TRPM2: variants seen among roughly 807,000 people sequenced by gnomAD.
TRPM2 encodes the protein transient receptor potential cation channel subfamily M member 2, also known as estrogen-responsive element-associated gene 1 protein.
In TRPM2, 161 loss-of-function variants were observed where a neutral mutation model predicts 174.0. The ratio of observed to expected loss-of-function variants is 0.93; its 90% CI spans 0.81 to 1.05. The LOEUF (loss-of-function observed/expected upper bound fraction) is 1.05, where lower values mean the gene tolerates loss of function less well. Ranked by LOEUF, TRPM2 falls within the 50% of genes least tolerant of loss-of-function variation. The pLI is 0.00. For missense variants in TRPM2, 2,057 were observed against 2,038.0 expected (o/e 1.01, Z -0.18); for synonymous variants, 954 against 861.3 (o/e 1.11, Z -1.88).
chr21:44,383,098 G>A (rs1300915205), intron 9 of TRPM2, among the ~76,000 whole-genome samples: 1 of 152,180 alleles, frequency 6.6e-6, no homozygotes, highest in Non-Finnish European at 1.5e-5. Flanking sequence ...ACTTCAGGGT[G>A]GAAAGAAAGA....
chr21:44,426,734 AGAGT>A lies in TRPM2; in HGVS notation c.3872+3_3872+6del. ...ACGCGGCCGCCATGGACCCCATGGG[AGAGT>A]GAGTATGAGCCGCTGTCCGTGCTCC... On this transcript the variant is annotated splice_donor_variant and coding_sequence_variant, in exon 26 of 32. Transcript: ENST00000397928. LOFTEE classifies it high-confidence loss of function. 1 of 1,613,936 alleles carries A rather than the reference AGAGT, an allele frequency of 6.2e-7. No homozygotes were observed. Among genetic ancestry groups the A allele is most frequent in the Non-Finnish European group, 8.5e-7 (1 of 1,179,960 alleles).
intron 9 of TRPM2, among the ~76,000 whole-genome samples, chr21:44,383,576 C>T (rs956717072): frequency 1.1e-4 from 17 of 152,192 alleles, no homozygotes; most frequent in African/African-American, 3.6e-4. Flanking sequence ...CATAAAACCT[C>T]ACACAAACAG....
chr21:44,355,537 T>C (rs1312113848), intron 2 of TRPM2, among the ~76,000 whole-genome samples: 1 of 152,190 alleles, frequency 6.6e-6, no homozygotes, highest in Non-Finnish European at 1.5e-5. Context: ...TACCAGGAAG[T>C]GAGCTTCCCT....
At chr21:44,392,443 T>C (rs76253683) in intron 11 of TRPM2, among the ~76,000 whole-genome samples, 1 of 151,420 alleles carries the variant, frequency 6.6e-6, no homozygotes, top group African/African-American at 2.4e-5. Context: ...TTTTATAATA[T>C]TTTGTTGAGA....
intron 16 of TRPM2, among the ~76,000 whole-genome samples, chr21:44,404,152 G>T (rs1014419114): frequency 5.3e-5 from 8 of 150,040 alleles, no homozygotes; most frequent in African/African-American, 1.7e-4. Context: ...CACACATACA[G>T]ACACATACAC....
At chr21:44,409,030 T>C (rs1382498928) in intron 19 of TRPM2, among the ~76,000 whole-genome samples, 1 of 152,172 alleles carries the variant, frequency 6.6e-6, no homozygotes, top group African/African-American at 2.4e-5. Flanking sequence ...TCGTAAGAGT[T>C]CTTTACGTAA....
At chr21:44,425,315 C>T (rs1033745456) in intron 24 of TRPM2, 8 of 392,544 alleles carry the variant, frequency 2.0e-5, no homozygotes, top group Admixed American at 8.3e-5. Context: ...AATTCGCAGC[C>T]GGCTATGAAA....
At chr21:44,437,216 C>T (rs2051307147) in intron 29 of TRPM2, 49 bp downstream of exon 29, 1 of 1,491,656 alleles carries the variant, frequency 6.7e-7, no homozygotes, top group Non-Finnish European at 9.1e-7. Context: ...GTCTGTGGGT[C>T]ACTCGTCCAT....
At chr21:44,392,322 A>G (rs1315619601) in intron 11 of TRPM2, among the ~76,000 whole-genome samples, 1 of 151,368 alleles carries the variant, frequency 6.6e-6, no homozygotes, top group Non-Finnish European at 1.5e-5. Flanking sequence ...CAGTGGTGCA[A>G]TCATGGCTCA....
chr21:44,399,738 A>G lies in TRPM2; in HGVS notation c.2208+297A>G, dbSNP rs2049550784. Reference sequence around the variant, plus strand: ...GGCAGAAGCCCAGGTGGCTCTGGGAACGGCGTCTGCCCTCTCTCCCTGGAG... The same window carrying G: ...GGCAGAAGCCCAGGTGGCTCTGGGAGCGGCGTCTGCCCTCTCTCCCTGGAG... On this transcript the variant is annotated intron_variant, in intron 14 of 31. Transcript: ENST00000397928. This position sits in a 1 kb window ranked among gnomAD's most constrained non-coding sequence, Gnocchi z 4.6. 6.6e-6 allele frequency among the ~76,000 whole-genome samples: 1 copy of G among 152,214 alleles called. No individual in the cohort carries two copies. Among genetic ancestry groups the G allele is most frequent in the African/African-American group, 2.4e-5 (1 of 41,554 alleles).
At position 44,391,379 on chromosome 21, in the gene TRPM2, G is replaced by C. The variant is rs754735110; in HGVS notation, c.1548G>C (p.Trp516Cys). ...TGCAGCTGAAGGAGTTTGTCACCTG[G>C]GACACCTTGCTCTACCTGTACGAGA... Reference protein sequence around the residue: ...NGVQLKEFVTWDTLLYLYENL... With the variant: ...NGVQLKEFVTCDTLLYLYENL... Residue 516 changes from tryptophan (W) to cysteine (C), a missense_variant, in exon 11 of 32, where the codon TGG becomes TGC. Physicochemically the swap from Trp to Cys is radical, Grantham distance 215 (BLOSUM62 -2). Transcript: ENST00000397928. This position sits in a 1 kb window ranked among gnomAD's most constrained non-coding sequence, Gnocchi z 5.0. The C allele has an allele frequency of 6.8e-6, 11 of 1,614,144 alleles. No homozygotes were observed. The South Asian group carries it at 9.9e-5, about 14-fold the overall frequency.
intron 2 of TRPM2, among the ~76,000 whole-genome samples, chr21:44,363,064 G>A (rs764764780): frequency 1.1e-4 from 16 of 152,172 alleles, no homozygotes; most frequent in Middle Eastern, 6.9e-3. Context: ...GAGCCACTGC[G>A]CCTCGCCGCT....
rs2048395829 is a variant in TRPM2 at position 44,367,515 on chromosome 21, G to A, written c.604+581G>A. ...CTGGTGAGAGCCAGGCAGGGACCCA[G>A]TCCTGGTGGATGGTGTGAGATCCCA... On this transcript the variant is annotated intron_variant, in intron 4 of 31. Transcript: ENST00000397928. This position sits in a 1 kb window ranked among gnomAD's most constrained non-coding sequence, Gnocchi z 4.6. Among the ~76,000 whole-genome samples the A allele has an allele frequency of 6.6e-6, 1 of 152,244 alleles. No individual in the cohort carries two copies.
At chr21:44,418,382 G>A in intron 21 of TRPM2, 41 bp from the exon 22 acceptor site, 2 of 1,605,892 alleles carry the variant, frequency 1.2e-6, no homozygotes, top group Non-Finnish European at 1.7e-6. Flanking sequence ...CCCACCTCCT[G>A]AGGATTCCAG....
intron 20 of TRPM2, 62 bp downstream of exon 20, chr21:44,414,136 T>C: frequency 1.3e-6 from 2 of 1,565,436 alleles, no homozygotes; most frequent in Non-Finnish European, 1.7e-6. Flanking sequence ...TGGGCCGCAG[T>C]GGCCATGCTG....
intron 28 of TRPM2, 51 bp from the exon 29 acceptor site, chr21:44,437,011 A>C: frequency 6.7e-7 from 1 of 1,501,020 alleles, no homozygotes; most frequent in Non-Finnish European, 9.0e-7. Context: ...GGCGCAGGGG[A>C]GGGTGGAGGC....
chr21:44,405,341 A>G, intron 17 of TRPM2, 81 bp downstream of exon 17: 5 of 1,581,478 alleles, frequency 3.2e-6, no homozygotes, highest in Non-Finnish European at 4.3e-6. Context: ...GCCCAGAACC[A>G]GCCACACCGG....
rs45614432 is a variant in TRPM2 at position 44,427,137 on chromosome 21, C to T, written c.3974+26C>T. The T allele has an allele frequency of 5.0e-4, 773 of 1,541,322 alleles. 6 individuals carry two copies. The African/African-American group carries it at 9.5e-3, about 19-fold the overall frequency. ...GTGAGTGTGCCCCCTGCGGGCCCCG[C>T]CCCGTCAGCCTTTGGGGTTTGCCTG... On this transcript the variant is annotated intron_variant, in intron 27 of 31. Coordinates refer to ENST00000397928, the MANE Select transcript of TRPM2 (RefSeq NM_003307.4).
intron 29 of TRPM2, 100 bp downstream of exon 29, chr21:44,437,267 GC>G: frequency 4.5e-6 from 5 of 1,107,810 alleles, no homozygotes; most frequent in South Asian, 2.7e-5. Context: ...GCCCCCTGCA[GC>G]CCCCTGCAGC....
Sources: gnomAD v4.1 joint callset for allele counts (sites outside exome capture counted in the v4.1 genomes callset) on GRCh38, gnomAD v4.1.1 for gene constraint, Gnocchi (gnomAD v3.1) non-coding constraint, MANE v1.5 for transcripts, NCBI Gene and HGNC (gene_info 2026-07-23, HGNC 2026-07-21) for gene names.